Variants in C19orf33 observed in about 807,000 individuals in gnomAD.
The protein encoded by C19orf33 is chromosome 19 open reading frame 33.
A neutral mutation model predicts 9.7 loss-of-function variants in C19orf33; 9 were observed. The observed-to-expected ratio is 0.93, with a 90% CI of 0.56 to 1.61. C19orf33 has a LOEUF of 1.61. Ranked by LOEUF, C19orf33 falls within the 40% of genes most tolerant of loss-of-function variation. The probability of loss-of-function intolerance (pLI) is 0.00; values close to 1 mark genes in which losing one functional copy is unlikely to be tolerated. For synonymous variants in C19orf33, 61 were observed against 54.8 expected (o/e 1.11, Z -0.50); for missense variants, 145 against 137.9 (o/e 1.05, Z -0.26).
chr19:38,304,861 C>A lies in C19orf33; in HGVS notation c.218C>A (p.Ser73Tyr), dbSNP rs754564247. 3 of 1,613,712 alleles carry A rather than the reference C, an allele frequency of 1.9e-6. No individual in the cohort carries two copies. The highest frequency in any genetic ancestry group is 2.5e-6 in the Non-Finnish European group (3 of 1,179,972). Reference sequence around the variant, plus strand: ...GCCCCACAGTCCCACGCTGCTGGCTCCAAGCAGCACGAGAGCATCCCGGGC... The same window carrying A: ...GCCCCACAGTCCCACGCTGCTGGCTACAAGCAGCACGAGAGCATCCCGGGC... ...DTDVKSHAAGSKQHESIPGKA... is the reference protein window; with the variant it reads ...DTDVKSHAAGYKQHESIPGKA... The change falls in exon 4 of 4, where the codon TCC (serine) becomes TAC (tyrosine). Residue 73 changes from serine to tyrosine, a missense_variant. Transcript: ENST00000301246.
chr19:38,304,281 C>G lies in C19orf33; in HGVS notation c.20C>G (p.Ala7Gly). 6.2e-7 allele frequency: 1 copy of G among 1,613,746 alleles called. No homozygotes were observed. Among genetic ancestry groups the G allele is most frequent in the African/African-American group, 1.3e-5 (1 of 75,066 alleles). The change falls in exon 1 of 4, where the codon GCA (alanine) becomes GGA (glycine). Residue 7 changes from alanine to glycine, a missense_variant and splice_region_variant. Coordinates refer to ENST00000301246, the MANE Select transcript of C19orf33 (RefSeq NM_033520.3). ...ACCGCCATGGAGTTCGACCTGGGAG[C>G]AGGTGAGCTCCTGGGGAGTGTGGAC... MEFDLG[A>G]ALEPTSQKPG...
chr19:38,304,564 G>C lies in C19orf33; in HGVS notation c.139-60G>C, dbSNP rs758185982. The C allele has an allele frequency of 3.7e-5, 59 of 1,606,202 alleles. No individual in the cohort carries two copies. The African/African-American group carries it at 6.0e-4, about 16-fold the overall frequency. On this transcript the variant is annotated intron_variant, in intron 2 of 3. Transcript: ENST00000301246. Reference sequence around the variant, plus strand: ...CCCCTGACCCCAGGGTCCTGCCTTAGGCCTCCAACTTCAGGGGGCTGGGTA... The same window carrying C: ...CCCCTGACCCCAGGGTCCTGCCTTACGCCTCCAACTTCAGGGGGCTGGGTA...
chr19:38,304,981 C>T lies in C19orf33; in HGVS notation c.*17C>T, dbSNP rs370764536. On this transcript the variant is annotated 3_prime_UTR_variant, in exon 4 of 4. Coordinates refer to ENST00000301246, the MANE Select transcript of C19orf33 (RefSeq NM_033520.3). ...CCCCACTGAAGGGCCCTGGACAGGGCTCATTAAACCTTCCTCTCTGCCTTC... is the reference window on the plus strand; with the variant it reads ...CCCCACTGAAGGGCCCTGGACAGGGTTCATTAAACCTTCCTCTCTGCCTTC... 5.1e-6 allele frequency: 8 copies of T among 1,582,410 alleles called. No individual in the cohort carries two copies. Among genetic ancestry groups the T allele is most frequent in the Admixed American group, 1.8e-5 (1 of 54,340 alleles).
chr19:38,304,715 C>T, intron 3 of C19orf33, 29 bp downstream of exon 3: 1 of 1,613,546 alleles, frequency 6.2e-7, no homozygotes, highest in South Asian at 1.1e-5. Context: ...CGTCCCCAAG[C>T]ACGTGCCCTG....
In C19orf33 at chr19:38,304,302, T is replaced by C. The variant is rs946175550; in HGVS notation, c.22+19T>C. 3.1e-6 allele frequency: 5 copies of C among 1,613,658 alleles called. No homozygotes were observed. Among genetic ancestry groups the C allele is most frequent in the Non-Finnish European group, 4.2e-6 (5 of 1,180,006 alleles). The stretch of plus-strand genomic sequence containing the variant: ...GGAGCAGGTGAGCTCCTGGGGAGTG[T>C]GGACTGGAGGTGCAGGGGGCCGGAC... On this transcript the variant is annotated intron_variant, in intron 1 of 3. Transcript: ENST00000301246.
chr19:38,304,503 A>G lies in C19orf33; in HGVS notation c.138+13A>G, dbSNP rs760661810. On this transcript the variant is annotated intron_variant, in intron 2 of 3. Coordinates refer to ENST00000301246, the MANE Select transcript of C19orf33 (RefSeq NM_033520.3). ...TCCGGGTCCAAAGGTAAGTCGCCTC[A>G]TCACCGGCTGCGGAGGGGCGGGAAG... 1 of 1,560,288 alleles carries G rather than the reference A, an allele frequency of 6.4e-7. No homozygotes were observed. Among genetic ancestry groups the G allele is most frequent in the Non-Finnish European group, 8.7e-7 (1 of 1,152,276 alleles).
Position 38,304,653 on chromosome 19 carries a change from C to CAGCAGCTCCAGCG in C19orf33, c.170_182dup (p.Asp61GlufsTer?). 1 of 1,613,678 alleles carries CAGCAGCTCCAGCG rather than the reference C, an allele frequency of 6.2e-7. No individual in the cohort carries two copies. The highest frequency in any genetic ancestry group is 8.5e-7 in the Non-Finnish European group (1 of 1,180,000). On this transcript the variant is annotated frameshift_variant, in exon 3 of 4. Coordinates refer to ENST00000301246, the MANE Select transcript of C19orf33 (RefSeq NM_033520.3). LOFTEE classifies it low-confidence loss of function (END_TRUNC). ...GACACCACAGCTCTTCCGACTCCAG[C>CAGCAGCTCCAGCG]AGCAGCTCCAGCGATTCGGACACGG...
chr19:38,304,610 G>T lies in C19orf33; in HGVS notation c.139-14G>T. The T allele has an allele frequency of 1.2e-6, 2 of 1,612,998 alleles. No homozygotes were observed. The highest frequency in any genetic ancestry group is 2.2e-5 in the South Asian group (2 of 91,072). On this transcript the variant is annotated splice_polypyrimidine_tract_variant and intron_variant, in intron 2 of 3. Coordinates refer to ENST00000301246, the MANE Select transcript of C19orf33 (RefSeq NM_033520.3). ...GGGTAAGGGGCGCCGCCTCACTGCCGCACCTCCATCCAGCAAGGACACCAC... is the reference window on the plus strand; with the variant it reads ...GGGTAAGGGGCGCCGCCTCACTGCCTCACCTCCATCCAGCAAGGACACCAC...
chr19:38,304,836 G>A lies in C19orf33; in HGVS notation c.202-9G>A, dbSNP rs1311770027. The A allele has an allele frequency of 6.2e-7, 1 of 1,613,516 alleles. No individual in the cohort carries two copies. The highest frequency in any genetic ancestry group is 1.7e-5 in the Admixed American group (1 of 59,996). The stretch of plus-strand genomic sequence containing the variant: ...CTCTTCTCTCCCATCCCTGCCCTCG[G>A]CCCCACAGTCCCACGCTGCTGGCTC... On this transcript the variant is annotated splice_polypyrimidine_tract_variant and intron_variant, in intron 3 of 3. Transcript: ENST00000301246.
rs773823889 is a variant in C19orf33 at position 38,304,677 on chromosome 19, G to A, written c.192G>A (p.Thr64=). The change falls in exon 3 of 4, where the codon ACG becomes ACA. Residue 64 remains threonine (T), a synonymous_variant. Transcript: ENST00000301246. ...DSSSSSSDSD[T]DVKSHAAGSK... ...GCAGCAGCTCCAGCGATTCGGACAC[G>A]GATGTGAAGGTAAGGGGCTCTCGCC... 10 of 1,613,646 alleles carry A rather than the reference G, an allele frequency of 6.2e-6. No homozygotes were observed. The highest frequency in any genetic ancestry group is 8.5e-6 in the Non-Finnish European group (10 of 1,179,974).
chr19:38,304,763 G>C (rs534734617), intron 3 of C19orf33, 77 bp downstream of exon 3: 1 of 1,612,004 alleles, frequency 6.2e-7, no homozygotes, highest in African/African-American at 1.3e-5. Context: ...GGCTGGCGGG[G>C]AGGGTGCGGG....
At position 38,304,695 on chromosome 19, in the gene C19orf33, C is replaced by G. The variant is rs777336648; in HGVS notation, c.201+9C>G. On this transcript the variant is annotated intron_variant, in intron 3 of 3. Coordinates refer to ENST00000301246, the MANE Select transcript of C19orf33 (RefSeq NM_033520.3). ...CGGACACGGATGTGAAGGTAAGGGG[C>G]TCTCGCCAGCGTCCCCAAGCACGTG... The G allele has an allele frequency of 1.9e-6, 3 of 1,613,672 alleles. No homozygotes were observed. In the Admixed American group the frequency reaches 5.0e-5, roughly 27 times the overall value.
In C19orf33 at chr19:38,304,640, C is replaced by T; in HGVS notation, c.155C>T (p.Ser52Phe). ...GPGPKQGHHS[S>F]SDSSSSSSDS... ...TCCATCCAGCAAGGACACCACAGCTCTTCCGACTCCAGCAGCAGCTCCAGC... is the reference window on the plus strand; with the variant it reads ...TCCATCCAGCAAGGACACCACAGCTTTTCCGACTCCAGCAGCAGCTCCAGC... Residue 52 changes from serine (S) to phenylalanine (F), a missense_variant, in exon 3 of 4, where the codon TCT becomes TTT. Transcript: ENST00000301246. 2 of 1,613,610 alleles carry T rather than the reference C, an allele frequency of 1.2e-6. No individual in the cohort carries two copies. The highest frequency in any genetic ancestry group is 8.5e-7 in the Non-Finnish European group (1 of 1,179,996).
rs749749901 is a variant in C19orf33, at chr19:38,304,882, C to G, written c.239C>G (p.Pro80Arg). 2 of 1,613,126 alleles carry G rather than the reference C, an allele frequency of 1.2e-6. No individual in the cohort carries two copies. Among genetic ancestry groups the G allele is most frequent in the Non-Finnish European group, 1.7e-6 (2 of 1,179,838 alleles). The change falls in exon 4 of 4, where the codon CCG (proline) becomes CGG (arginine). Residue 80 changes from proline to arginine, a missense_variant. Pro to Arg is a moderately radical substitution (Grantham distance 103). Coordinates refer to ENST00000301246, the MANE Select transcript of C19orf33 (RefSeq NM_033520.3). ...AAGSKQHESIPGKAKKPKVKK... is the reference protein window; with the variant it reads ...AAGSKQHESIRGKAKKPKVKK... Reference sequence around the variant, plus strand: ...GGCTCCAAGCAGCACGAGAGCATCCCGGGCAAGGCCAAGAAGCCCAAAGTG... The same window carrying G: ...GGCTCCAAGCAGCACGAGAGCATCCGGGGCAAGGCCAAGAAGCCCAAAGTG...
chr19:38,304,413 G>A lies in C19orf33; in HGVS notation c.61G>A (p.Gly21Ser). ...CTCCCAGAAGCCCGGTGTGGGGGCG[G>A]GCCACGGGGGAGATCCCAAGCTCAG... ...PTSQKPGVGA[G>S]HGGDPKLSPH... Residue 21 changes from glycine (G) to serine (S), a missense_variant, in exon 2 of 4, where the codon GGC becomes AGC. Physicochemically the swap from Gly to Ser is moderately conservative, Grantham distance 56. Transcript: ENST00000301246. The A allele has an allele frequency of 6.4e-7, 1 of 1,564,822 alleles. No individual in the cohort carries two copies. Among genetic ancestry groups the A allele is most frequent in the Admixed American group, 1.9e-5 (1 of 51,746 alleles).
chr19:38,304,610 G>A lies in C19orf33; in HGVS notation c.139-14G>A, dbSNP rs45437199. ...GGGTAAGGGGCGCCGCCTCACTGCC[G>A]CACCTCCATCCAGCAAGGACACCAC... On this transcript the variant is annotated splice_polypyrimidine_tract_variant and intron_variant, in intron 2 of 3. Transcript: ENST00000301246. 306,109 of 1,612,838 alleles carry A rather than the reference G, an allele frequency of 0.19. 30,604 individuals carry two copies. Among genetic ancestry groups the A allele is most frequent in the South Asian group, 0.27 (24,606 of 91,064 alleles).
Sources: allele counts gnomAD v4.1 joint callset, GRCh38; gene constraint gnomAD v4.1.1; transcripts MANE v1.5; gene names NCBI Gene and HGNC (gene_info 2026-07-23, HGNC 2026-07-21).